OCA2: variants seen among roughly 807,000 people sequenced by gnomAD.
OCA2 encodes P protein.
OCA2 carries 77 observed loss-of-function variants against 100.2 expected under a neutral mutation model. That is an observed-to-expected ratio of 0.77 (90% CI 0.64 to 0.93). OCA2 has a LOEUF of 0.93. OCA2 is among the 40% of genes least tolerant of loss of function. OCA2 has a pLI of 0.00. For synonymous variants in OCA2, 432 were observed against 439.2 expected (o/e 0.98, Z 0.21); for missense variants, 1,062 against 1,089.1 (o/e 0.98, Z 0.35).
At chr15:27,804,740 G>A (rs896941742) in intron 23 of OCA2, among the ~76,000 whole-genome samples, 2 of 152,128 alleles carry the variant, frequency 1.3e-5, no homozygotes, top group African/African-American at 4.8e-5. Context: ...GGGCTGGGGC[G>A]CCCCTCCTCC....
Position 27,940,913 on chromosome 15 carries a change from A to G in OCA2, c.1951+10871T>C, listed in dbSNP as rs1316116461. ...ATTTAAATTCTTCTTCAGATTATTA[A>G]TGTTGAGGAATTTAAATGTGACCAC... On this transcript the variant is annotated intron_variant, in intron 18 of 23. Transcript: ENST00000354638. Among the ~76,000 whole-genome samples the G allele has an allele frequency of 2.0e-5, 3 of 152,330 alleles. No individual in the cohort carries two copies. In the East Asian group the frequency reaches 5.8e-4, roughly 29 times the overall value.
chr15:27,815,643 C>G (rs576538488), intron 23 of OCA2, among the ~76,000 whole-genome samples: 33 of 152,266 alleles, frequency 2.2e-4, no homozygotes, highest in Admixed American at 3.3e-4. Flanking sequence ...TACATGCCCA[C>G]CAACAGATCG....
intron 15 of OCA2, among the ~76,000 whole-genome samples, chr15:27,964,239 T>A (rs1429465180): frequency 6.6e-6 from 1 of 152,250 alleles, no homozygotes; most frequent in Non-Finnish European, 1.5e-5. Flanking sequence ...ATATTCCTCC[T>A]ATGAGGACAA....
intron 9 of OCA2, 76 bp downstream of exon 9, chr15:28,014,700 T>A: frequency 6.5e-7 from 1 of 1,528,280 alleles, no homozygotes; most frequent in Non-Finnish European, 8.9e-7. Flanking sequence ...ACTGAGCCCA[T>A]CCAGAGTGTC....
chr15:28,093,316 G>A (rs1219144004), intron 1 of OCA2, among the ~76,000 whole-genome samples: 1 of 151,814 alleles, frequency 6.6e-6, no homozygotes, highest in Non-Finnish European at 1.5e-5. Context: ...CAGCTACCGA[G>A]GAGACTGAGG....
intron 18 of OCA2, among the ~76,000 whole-genome samples, chr15:27,936,675 G>A (rs1273138568): frequency 6.6e-6 from 1 of 152,076 alleles, no homozygotes; most frequent in Non-Finnish European, 1.5e-5. Context: ...CACCTGCTGT[G>A]TGCTGCAGGA....
At chr15:27,765,975 G>C (rs1190448077) in intron 23 of OCA2, among the ~76,000 whole-genome samples, 2 of 152,116 alleles carry the variant, frequency 1.3e-5, no homozygotes, top group African/African-American at 4.8e-5. Flanking sequence ...ACCTTCCTGG[G>C]AATGCTGCCC....
chr15:27,950,751 G>A (rs1242476684), intron 18 of OCA2, among the ~76,000 whole-genome samples: 1 of 152,158 alleles, frequency 6.6e-6, no homozygotes, highest in Non-Finnish European at 1.5e-5. Flanking sequence ...TGGTTTCCAG[G>A]AACCCCGGAA....
chr15:28,013,005 G>A (rs754148809), intron 9 of OCA2, among the ~76,000 whole-genome samples: 12 of 152,166 alleles, frequency 7.9e-5, no homozygotes, highest in Non-Finnish European at 1.6e-4. Flanking sequence ...GGGCCCTGGT[G>A]GGTATTAAAA....
chr15:27,859,734 TCAA>T (rs2036064120), intron 21 of OCA2, among the ~76,000 whole-genome samples: 2 of 152,060 alleles, frequency 1.3e-5, no homozygotes, highest in Non-Finnish European at 2.9e-5. Context: ...AAACTACAGA[TCAA>T]TGTTCCTGAT....
chr15:28,035,673 C>T (rs2043026700), intron 2 of OCA2, among the ~76,000 whole-genome samples: 1 of 152,082 alleles, frequency 6.6e-6, no homozygotes, highest in African/African-American at 2.4e-5. Context: ...ATTTTTCTGA[C>T]TTCAGTCTAA....
chr15:27,792,189 G>A (rs936366061), intron 23 of OCA2, among the ~76,000 whole-genome samples: 1 of 152,180 alleles, frequency 6.6e-6, no homozygotes, highest in African/African-American at 2.4e-5. Context: ...GTAGAGGAGG[G>A]ACCATCTTCT....
intron 19 of OCA2, among the ~76,000 whole-genome samples, chr15:27,905,807 A>G (rs2140219525): frequency 6.6e-6 from 1 of 152,358 alleles, no homozygotes; most frequent in South Asian, 2.1e-4. Context: ...CGCTATCAGG[A>G]GCGGAAATGT....
chr15:28,044,573 C>T (rs1461217253), intron 2 of OCA2, among the ~76,000 whole-genome samples: 2 of 152,172 alleles, frequency 1.3e-5, no homozygotes, highest in South Asian at 4.1e-4. Flanking sequence ...CAAGTCATGG[C>T]TTTACAGGAT....
chr15:27,909,595 A>C (rs906256737), intron 19 of OCA2, among the ~76,000 whole-genome samples: 4 of 152,218 alleles, frequency 2.6e-5, no homozygotes, highest in South Asian at 2.1e-4. Flanking sequence ...AATAGGACCA[A>C]GGACATATGA....
rs2045013651 is a variant in OCA2, at chr15:28,097,813, C to G, written c.-22+1411G>C. ...CCTGCAGCTCACCAGTGCTTCCCTG[C>G]CCCGGCCTGGCAACCACACTCAGTG... On this transcript the variant is annotated intron_variant, in intron 1 of 23. Coordinates refer to ENST00000354638, the MANE Select transcript of OCA2 (RefSeq NM_000275.3). Among the ~76,000 whole-genome samples, 3 of 152,208 alleles carry G rather than the reference C, an allele frequency of 2.0e-5. No homozygotes were observed. The South Asian group carries it at 6.2e-4, about 32-fold the overall frequency.
intron 18 of OCA2, among the ~76,000 whole-genome samples, chr15:27,927,563 T>A (rs1294371115): frequency 6.6e-6 from 1 of 152,220 alleles, no homozygotes; most frequent in Non-Finnish European, 1.5e-5. Context: ...TACTATGCAA[T>A]GTTATATGCA....
At chr15:27,801,308 C>T (rs759463860) in intron 23 of OCA2, among the ~76,000 whole-genome samples, 8 of 152,176 alleles carry the variant, frequency 5.3e-5, no homozygotes, top group Non-Finnish European at 1.2e-4. Flanking sequence ...TTCACCAACA[C>T]TTTGGGAGGC....
chr15:27,954,428 T>C (rs189333919), intron 17 of OCA2, among the ~76,000 whole-genome samples: 243 of 152,252 alleles, frequency 1.6e-3, no homozygotes, highest in African/African-American at 5.3e-3. Flanking sequence ...CCTCATCAGA[T>C]TGCATCCAAC....
Sources: gnomAD v4.1 joint callset for allele counts (sites outside exome capture counted in the v4.1 genomes callset) on GRCh38, gnomAD v4.1.1 for gene constraint, MANE v1.5 for transcripts, NCBI Gene and HGNC (gene_info 2026-07-23, HGNC 2026-07-21) for gene names.